Variants in ARHGAP24 observed in about 807,000 individuals in gnomAD.
The protein encoded by ARHGAP24 is Rho GTPase activating protein 24, also known as rho GTPase-activating protein 24.
Under a neutral mutation model 76.4 loss-of-function variants are expected in ARHGAP24, and 50 were observed. That is an observed-to-expected ratio of 0.65 (90% CI 0.52 to 0.83). The LOEUF (loss-of-function observed/expected upper bound fraction) is 0.83, where lower values mean the gene tolerates loss of function less well. Ranked by LOEUF, ARHGAP24 falls within the 40% of genes least tolerant of loss-of-function variation. The pLI is 0.00. For synonymous variants in ARHGAP24, 345 were observed against 323.3 expected (o/e 1.07, Z -0.72); for missense variants, 930 against 914.2 (o/e 1.02, Z -0.22).
intron 5 of ARHGAP24, among the ~76,000 whole-genome samples, chr4:85,961,237 C>T (rs1251810779): frequency 6.6e-6 from 1 of 152,050 alleles, no homozygotes; most frequent in Non-Finnish European, 1.5e-5. Context: ...TATTAATAAA[C>T]TAAGGTGGTA....
chr4:85,629,283 C>A (rs1003294273), intron 2 of ARHGAP24, among the ~76,000 whole-genome samples: 1 of 152,148 alleles, frequency 6.6e-6, no homozygotes, highest in Non-Finnish European at 1.5e-5. Flanking sequence ...ATTGGCATCA[C>A]AGTTTATGTC....
chr4:85,717,151 C>A (rs35201853), intron 2 of ARHGAP24, among the ~76,000 whole-genome samples: 6,388 of 152,076 alleles, frequency 0.042, 155 homozygotes, highest in Middle Eastern at 0.12. Context: ...GGGGATGGGC[C>A]TTATGGAGCT....
At chr4:85,634,399 A>G (rs1721249029) in intron 2 of ARHGAP24, among the ~76,000 whole-genome samples, 1 of 151,804 alleles carries the variant, frequency 6.6e-6, no homozygotes, top group Non-Finnish European at 1.5e-5. Flanking sequence ...CTTTCTCTCA[A>G]TTTTCAGGAA....
intron 3 of ARHGAP24, among the ~76,000 whole-genome samples, chr4:85,858,430 G>A (rs79146355): frequency 0.012 from 1,885 of 152,196 alleles, 44 homozygotes; most frequent in African/African-American, 0.043. Context: ...TGGGATACTA[G>A]TAAATGGTGC....
intron 3 of ARHGAP24, among the ~76,000 whole-genome samples, chr4:85,794,575 T>G (rs1384251664): frequency 6.6e-6 from 1 of 152,186 alleles, no homozygotes; most frequent in Non-Finnish European, 1.5e-5. Flanking sequence ...CTCCGCTTCC[T>G]GGGTTCAAGA....
chr4:85,693,338 G>T (rs553382854), intron 2 of ARHGAP24, among the ~76,000 whole-genome samples: 8 of 152,300 alleles, frequency 5.3e-5, no homozygotes, highest in African/African-American at 1.7e-4. Flanking sequence ...GGCAGAGGCT[G>T]CAGCAAAGAA....
chr4:85,961,021 TTG>T (rs1738211280), intron 5 of ARHGAP24, among the ~76,000 whole-genome samples: 1 of 152,110 alleles, frequency 6.6e-6, no homozygotes, highest in South Asian at 2.1e-4. Context: ...CTCAATAAAT[TTG>T]TTTCATCACT....
chr4:85,774,853 G>T (rs543270702), intron 3 of ARHGAP24, among the ~76,000 whole-genome samples: 1 of 152,226 alleles, frequency 6.6e-6, no homozygotes, highest in South Asian at 2.1e-4. Context: ...GTTGACAGAA[G>T]AATAGTAGCT....
intron 2 of ARHGAP24, among the ~76,000 whole-genome samples, chr4:85,674,546 G>A (rs912259736): frequency 1.3e-5 from 2 of 152,060 alleles, no homozygotes; most frequent in African/African-American, 2.4e-5. Context: ...AAGTCAATTT[G>A]CATTTGCAGT....
intron 2 of ARHGAP24, among the ~76,000 whole-genome samples, chr4:85,577,222 T>TA (rs1212796459): frequency 7.4e-5 from 11 of 148,048 alleles, no homozygotes; most frequent in Non-Finnish European, 1.6e-4. Flanking sequence ...TTATAATATA[T>TA]ATCATAGGAA....
chr4:85,856,407 T>C (rs1578306106), intron 3 of ARHGAP24, among the ~76,000 whole-genome samples: 1 of 152,070 alleles, frequency 6.6e-6, no homozygotes, highest in African/African-American at 2.4e-5. Context: ...ACCACTTTCT[T>C]ACTTTTTACA....
At chr4:85,946,546 T>C (rs1202273310) in intron 5 of ARHGAP24, among the ~76,000 whole-genome samples, 2 of 152,178 alleles carry the variant, frequency 1.3e-5, no homozygotes, top group Non-Finnish European at 2.9e-5. Context: ...GTTTACCCAA[T>C]GTTTAGTTCC....
intron 2 of ARHGAP24, among the ~76,000 whole-genome samples, chr4:85,629,248 T>A (rs769808242): frequency 5.9e-5 from 9 of 152,160 alleles, no homozygotes; most frequent in African/African-American, 9.7e-5. Flanking sequence ...ATACTTTAAT[T>A]TCTCCTCCCC....
intron 3 of ARHGAP24, among the ~76,000 whole-genome samples, chr4:85,752,367 A>C (rs1278231305): frequency 6.6e-6 from 1 of 152,148 alleles, no homozygotes; most frequent in Non-Finnish European, 1.5e-5. Context: ...CACTCAGAAC[A>C]TGTCACCAGA....
At chr4:85,536,303 G>A (rs1488188595) in intron 1 of ARHGAP24, among the ~76,000 whole-genome samples, 1 of 152,094 alleles carries the variant, frequency 6.6e-6, no homozygotes, top group African/African-American at 2.4e-5. Context: ...TCTTCTCAGG[G>A]AGGTCAAAAA....
intron 3 of ARHGAP24, among the ~76,000 whole-genome samples, chr4:85,771,741 A>G (rs1271413185): frequency 6.6e-6 from 1 of 152,040 alleles, no homozygotes; most frequent in Admixed American, 6.6e-5. Context: ...ATGGAGTCTC[A>G]CTTTGTTGCC....
Position 85,836,725 on chromosome 4 carries a change from A to G in ARHGAP24, c.269-86923A>G, listed in dbSNP as rs190023257. On this transcript the variant is annotated intron_variant, in intron 3 of 9. Transcript: ENST00000395184. ...GAAATAATAGTAATGGGAGAACCCA[A>G]GAAAATTCAGAGTCCAGGACTGGCC... 1.6e-4 allele frequency among the ~76,000 whole-genome samples: 25 copies of G among 152,326 alleles called. No individual in the cohort carries two copies. In the East Asian group the frequency reaches 4.2e-3, roughly 26 times the overall value.
intron 2 of ARHGAP24, among the ~76,000 whole-genome samples, chr4:85,576,476 C>T (rs1376122864): frequency 6.6e-6 from 1 of 151,848 alleles, no homozygotes; most frequent in Non-Finnish European, 1.5e-5. Flanking sequence ...TAATGAAACT[C>T]GTGTGTTAAT....
intron 1 of ARHGAP24, among the ~76,000 whole-genome samples, chr4:85,556,768 C>T (rs867892562): frequency 7.2e-5 from 11 of 152,192 alleles, no homozygotes; most frequent in African/African-American, 2.4e-4. Flanking sequence ...TCTCCAACCA[C>T]TCCACTCCCT....
Sources: allele counts gnomAD v4.1 joint callset (sites outside exome capture counted in the v4.1 genomes callset), GRCh38; gene constraint gnomAD v4.1.1; transcripts MANE v1.5; gene names NCBI Gene and HGNC (gene_info 2026-07-23, HGNC 2026-07-21).